The following TPH2 variants were observed in gnomAD, a reference collection of about 807,000 sequenced individuals.
TPH2 encodes tryptophan 5-hydroxylase 2.
TPH2 carries 27 observed loss-of-function variants against 59.1 expected under a neutral mutation model. The ratio of observed to expected loss-of-function variants is 0.46; its 90% CI spans 0.34 to 0.63. The LOEUF is 0.63. Among genes scored for constraint, TPH2 ranks in the 30% least tolerant of loss-of-function variants. TPH2 has a pLI of 0.01. For synonymous variants in TPH2, 220 were observed against 210.5 expected (o/e 1.05, Z -0.39); for missense variants, 523 against 588.3 (o/e 0.89, Z 1.15).
rs115718603 is a variant in TPH2, at chr12:72,029,770, C to A, written c.1165-1488C>A. Among the ~76,000 whole-genome samples, 955 of 152,280 alleles carry A rather than the reference C, an allele frequency of 6.3e-3. 12 individuals are homozygous for A. The highest frequency in any genetic ancestry group is 0.022 in the African/African-American group (918 of 41,558). Reference sequence around the variant, plus strand: ...TGGAACTTTGCAGGAAAGCAAATCACATGCAGGGTGCCCTTTCTCTTACAT... The same window carrying A: ...TGGAACTTTGCAGGAAAGCAAATCAAATGCAGGGTGCCCTTTCTCTTACAT... On this transcript the variant is annotated intron_variant, in intron 9 of 10. Coordinates refer to ENST00000333850, the MANE Select transcript of TPH2 (RefSeq NM_173353.4).
rs199775778 is a variant in TPH2, at chr12:71,941,585, T to C, written c.107T>C (p.Leu36Pro). 3.3e-5 allele frequency: 54 copies of C among 1,613,776 alleles called. No individual in the cohort carries two copies. In the Admixed American group the frequency reaches 4.8e-4, roughly 14 times the overall value. Residue 36 changes from leucine to proline, a missense_variant and splice_region_variant, in exon 2 of 11, where the codon CTA becomes CCA. Physicochemically the swap from Leu to Pro is moderately conservative, Grantham distance 98. Coordinates refer to ENST00000333850, the MANE Select transcript of TPH2 (RefSeq NM_173353.4). ...TATTATGCTTCGACATTCCTGAAGC[T>C]AAATAAACCTAACTCTGGCAAAAAT... is the stretch of plus-strand genomic sequence containing the variant. The part of the protein sequence containing the change: ...EEHQLLGSST[L>P]NKPNSGKNDD...
At chr12:72,002,373 C>A (rs1349297058) in intron 8 of TPH2, among the ~76,000 whole-genome samples, 1 of 151,932 alleles carries the variant, frequency 6.6e-6, no homozygotes, top group Admixed American at 6.6e-5. Flanking sequence ...GAGAAAGAGA[C>A]AGCAAGAGAC....
intron 8 of TPH2, among the ~76,000 whole-genome samples, chr12:71,999,259 ATTTAATGTGGGCAATGG>A (rs368117382): frequency 5.3e-5 from 8 of 152,366 alleles, no homozygotes; most frequent in African/African-American, 1.9e-4. Flanking sequence ...TATCTCTGCT[ATTTAATGTGGGCAATGG>A]TTTCTATGCC....
rs57532900 is a variant in TPH2, at chr12:72,021,356, AGTGTGT to A, written c.1069-1008_1069-1003del. 5.5e-3 allele frequency among the ~76,000 whole-genome samples: 790 copies of A among 143,406 alleles called. 6 individuals carry two copies. The highest frequency in any genetic ancestry group is 0.016 in the East Asian group (78 of 4,860). 94.1% of individuals were successfully genotyped at this position (143,406 alleles called of 152,430 possible). ...ATGCTGATAAAACTTGGGCCAATAA[AGTGTGT>A]GTGTGTGTGTGTGTGTGTGTGTGTG... is the stretch of plus-strand genomic sequence containing the variant. On this transcript the variant is annotated intron_variant, in intron 8 of 10. Transcript: ENST00000333850.
intron 7 of TPH2, among the ~76,000 whole-genome samples, chr12:71,979,298 G>A (rs1003534423): frequency 3.1e-4 from 47 of 152,136 alleles, no homozygotes; most frequent in African/African-American, 1.1e-3. Flanking sequence ...GCTCTGGCTC[G>A]ATGCTCTAGC....
At chr12:71,975,830 T>A (rs1872103654) in intron 6 of TPH2, among the ~76,000 whole-genome samples, 1 of 152,256 alleles carries the variant, frequency 6.6e-6, no homozygotes, top group South Asian at 2.1e-4. Flanking sequence ...TCATGCCTTA[T>A]GTTGTTAACT....
At chr12:71,985,397 A>C (rs1872402970) in intron 7 of TPH2, among the ~76,000 whole-genome samples, 1 of 151,832 alleles carries the variant, frequency 6.6e-6, no homozygotes, top group Non-Finnish European at 1.5e-5. Flanking sequence ...TGAAAAGGCT[A>C]CTTTCTTTTT....
chr12:72,014,395 C>CTTTTTTTT (rs71437200), intron 8 of TPH2, among the ~76,000 whole-genome samples: 1 of 139,880 alleles, frequency 7.1e-6, no homozygotes, highest in African/African-American at 2.7e-5. Context: ...TTCTTTTTTT[C>CTTTTTTTT]TTTTTTTTTT....
At chr12:71,985,872 C>T (rs1161968703) in intron 7 of TPH2, among the ~76,000 whole-genome samples, 1 of 152,148 alleles carries the variant, frequency 6.6e-6, no homozygotes, top group Non-Finnish European at 1.5e-5. Context: ...CACAGTTGGT[C>T]TGCCCCATTT....
At chr12:71,980,769 CAG>C (rs144067251) in intron 7 of TPH2, among the ~76,000 whole-genome samples, 132 of 148,606 alleles carry the variant, frequency 8.9e-4, no homozygotes, top group Non-Finnish European at 8.2e-4. Context: ...AATAGGTATG[CAG>C]AGAGAGAGAG....
chr12:72,006,188 C>A (rs1385193031), intron 8 of TPH2, among the ~76,000 whole-genome samples: 2 of 152,062 alleles, frequency 1.3e-5, no homozygotes, highest in Admixed American at 1.3e-4. Context: ...TATACCCAGG[C>A]TCTGTCACTT....
intron 4 of TPH2, among the ~76,000 whole-genome samples, chr12:71,949,161 CATTT>C (rs1340625226): frequency 2.0e-5 from 3 of 152,114 alleles, no homozygotes; most frequent in Non-Finnish European, 4.4e-5. Context: ...ATAAATGTCA[CATTT>C]ATTAGTTATT....
intron 7 of TPH2, among the ~76,000 whole-genome samples, chr12:71,981,123 T>C (rs1276802923): frequency 6.6e-6 from 1 of 152,046 alleles, no homozygotes; most frequent in African/African-American, 2.4e-5. Flanking sequence ...TGAGCAGAAA[T>C]TTCATTTTTG....
chr12:72,011,609 T>A (rs776350718), intron 8 of TPH2, among the ~76,000 whole-genome samples: 56 of 152,228 alleles, frequency 3.7e-4, no homozygotes, highest in Non-Finnish European at 5.0e-4. Flanking sequence ...AGTCTCCAGT[T>A]GGCTACAACC....
chr12:71,973,606 G>T (rs943474592), intron 6 of TPH2, among the ~76,000 whole-genome samples: 1 of 152,070 alleles, frequency 6.6e-6, no homozygotes, highest in Admixed American at 6.5e-5. Flanking sequence ...CATAAAAATG[G>T]GCAACCAGCG....
At position 72,021,675 on chromosome 12, in the gene TPH2, A is replaced by C. The variant is rs148772522; in HGVS notation, c.1069-724A>C. On this transcript the variant is annotated intron_variant, in intron 8 of 10. Coordinates refer to ENST00000333850, the MANE Select transcript of TPH2 (RefSeq NM_173353.4). ...GTTAGATGTATTAAACACATTTTCA[A>C]CTTAGGATATTATTTTCAACTTATT... Among the ~76,000 whole-genome samples, 192 of 152,224 alleles carry C rather than the reference A, an allele frequency of 1.3e-3. 4 individuals are homozygous for C. The East Asian group carries it at 0.015, about 12-fold the overall frequency.
chr12:71,991,495 T>C (rs1872578170), intron 7 of TPH2, among the ~76,000 whole-genome samples: 1 of 152,230 alleles, frequency 6.6e-6, no homozygotes, highest in Non-Finnish European at 1.5e-5. Context: ...CAGTATTTTC[T>C]TGGAGTTTGA....
chr12:71,980,461 A>G (rs1872243087), intron 7 of TPH2, among the ~76,000 whole-genome samples: 1 of 152,170 alleles, frequency 6.6e-6, no homozygotes, highest in African/African-American at 2.4e-5. Context: ...CTAGGCTGGC[A>G]TAAGGCTCAC....
rs1260976642 is a variant in TPH2, at chr12:72,031,674, G to T, written c.1452G>T (p.Met484Ile). 1.2e-6 allele frequency: 2 copies of T among 1,613,476 alleles called. No homozygotes were observed. Among genetic ancestry groups the T allele is most frequent in the Admixed American group, 1.7e-5 (1 of 59,998 alleles). ...CAGTGTGTGATGCTTTAAACAAAAT[G>T]AACCAATATCTGGGGATTTGATGCC... ...LNTVCDALNK[M>I]NQYLGI Residue 484 changes from methionine to isoleucine, a missense_variant, in exon 11 of 11, where the codon ATG becomes ATT. Coordinates refer to ENST00000333850, the MANE Select transcript of TPH2 (RefSeq NM_173353.4).
Sources: allele counts gnomAD v4.1 joint callset (sites outside exome capture counted in the v4.1 genomes callset), GRCh38; gene constraint gnomAD v4.1.1; transcripts MANE v1.5; gene names NCBI Gene and HGNC (gene_info 2026-07-23, HGNC 2026-07-21).